ANGPT2: variants seen among roughly 807,000 people sequenced by gnomAD.
ANGPT2 encodes the protein angiopoietin 2, also known as angiopoietin-2.
A neutral mutation model predicts 62.9 loss-of-function variants in ANGPT2; 28 were observed. The ratio of observed to expected loss-of-function variants is 0.44; its 90% CI spans 0.33 to 0.61. The LOEUF is 0.61. ANGPT2 is among the 20% of genes least tolerant of loss of function. The probability of loss-of-function intolerance (pLI) is 0.03; values close to 1 mark genes in which losing one functional copy is unlikely to be tolerated. For missense variants in ANGPT2, 727 were observed against 594.9 expected, an observed-to-expected ratio of 1.22 and a Z score of -2.31; for synonymous variants, 284 against 207.8, an observed-to-expected ratio of 1.37 and a Z score of -3.15.
In ANGPT2 at chr8:6,513,730, C is replaced by T. The variant is rs746146171; in HGVS notation, c.1144G>A (p.Ala382Thr). ...TAGAAATGTTCATACAATGAGTAAG[C>T]CTCATTCCCTTCCCAGTCTTTAAGG... ...IHLKDWEGNE[A>T]YSLYEHFYLS... The change falls in exon 7 of 9, where the codon GCT becomes ACT. Residue 382 changes from alanine to threonine, a missense_variant. By Grantham distance (58) the Ala-to-Thr change is moderately conservative. Transcript: ENST00000629816. 7.4e-6 allele frequency: 12 copies of T among 1,613,672 alleles called. No individual in the cohort carries two copies. The highest frequency in any genetic ancestry group is 4.4e-5 in the South Asian group (4 of 91,020).
chr8:6,530,828 A>G (rs984273770), intron 2 of ANGPT2, among the ~76,000 whole-genome samples: 7 of 152,212 alleles, frequency 4.6e-5, no homozygotes, highest in African/African-American at 1.7e-4. Context: ...TTAGGAAGAC[A>G]ATGAAAGAAC....
At chr8:6,531,338 G>C (rs1819475626) in intron 2 of ANGPT2, among the ~76,000 whole-genome samples, 2 of 150,556 alleles carry the variant, frequency 1.3e-5, no homozygotes, top group Admixed American at 6.6e-5. Context: ...GCCCAGGCTG[G>C]AGTGCAGTGG....
At chr8:6,535,275 C>G (rs906633338) in intron 1 of ANGPT2, among the ~76,000 whole-genome samples, 29 of 152,140 alleles carry the variant, frequency 1.9e-4, no homozygotes, top group African/African-American at 6.5e-4. Context: ...TTGCAACTCT[C>G]CAGAGATATG....
chr8:6,546,206 C>G (rs1362755355), intron 1 of ANGPT2, among the ~76,000 whole-genome samples: 1 of 152,200 alleles, frequency 6.6e-6, no homozygotes, highest in Non-Finnish European at 1.5e-5. Context: ...CCAAGGCACC[C>G]TGGGTCCTTG....
At chr8:6,514,876 G>T in intron 5 of ANGPT2, 98 bp from the exon 6 acceptor site, 2 of 979,100 alleles carry the variant, frequency 2.0e-6, no homozygotes, top group Non-Finnish European at 3.2e-6. Flanking sequence ...GCAGGACTCA[G>T]CCGAGAGGGT....
intron 1 of ANGPT2, among the ~76,000 whole-genome samples, chr8:6,534,628 G>A (rs181374210): frequency 5.9e-5 from 9 of 151,952 alleles, no homozygotes; most frequent in African/African-American, 1.7e-4. Flanking sequence ...AAAAATTAAA[G>A]TATTAAAAAA....
chr8:6,538,318 C>T (rs1275511921), intron 1 of ANGPT2, among the ~76,000 whole-genome samples: 1 of 152,180 alleles, frequency 6.6e-6, no homozygotes, highest in Non-Finnish European at 1.5e-5. Flanking sequence ...TCCCATCTTC[C>T]CGCCCAGGGT....
intron 8 of ANGPT2, among the ~76,000 whole-genome samples, chr8:6,505,943 TTA>T (rs1442864275): frequency 1.9e-5 from 1 of 51,914 alleles, no homozygotes; most frequent in Non-Finnish European, 3.2e-5. Flanking sequence ...TACATATTCT[TTA>T]TATATGTATA....
chr8:6,531,223 C>A (rs1019930943), intron 2 of ANGPT2, among the ~76,000 whole-genome samples: 4 of 151,690 alleles, frequency 2.6e-5, no homozygotes, highest in African/African-American at 9.7e-5. Flanking sequence ...GCATGTCTCT[C>A]GGTGAATTTT....
intron 3 of ANGPT2, among the ~76,000 whole-genome samples, chr8:6,523,240 G>T (rs769795958): frequency 6.6e-6 from 1 of 152,036 alleles, no homozygotes; most frequent in East Asian, 1.9e-4. Context: ...CTCGTGATCC[G>T]CCCGCCCCTG....
intron 1 of ANGPT2, among the ~76,000 whole-genome samples, chr8:6,537,335 C>T (rs953925532): frequency 1.3e-5 from 2 of 151,992 alleles, no homozygotes; most frequent in African/African-American, 4.8e-5. Flanking sequence ...ACACAGTCGG[C>T]AAAGTGTGGG....
At chr8:6,555,317 G>C (rs1824401623) in intron 1 of ANGPT2, among the ~76,000 whole-genome samples, 1 of 152,198 alleles carries the variant, frequency 6.6e-6, no homozygotes, top group Non-Finnish European at 1.5e-5. Flanking sequence ...TCGTCGTCCT[G>C]CCTTTCAAGT....
chr8:6,524,152 T>C (rs982046304), intron 3 of ANGPT2, among the ~76,000 whole-genome samples: 10 of 152,224 alleles, frequency 6.6e-5, no homozygotes, highest in Non-Finnish European at 1.5e-4. Context: ...ACACATGAAT[T>C]TGCACATTGC....
At chr8:6,532,574 T>TTA in intron 1 of ANGPT2, 87 bp from the exon 2 acceptor site, 9 of 589,544 alleles carry the variant, frequency 1.5e-5, no homozygotes, top group Non-Finnish European at 2.2e-5. Context: ...TCCCTATCTT[T>TTA]AAAAAAAAAA....
At chr8:6,542,230 A>C (rs1195741309) in intron 1 of ANGPT2, among the ~76,000 whole-genome samples, 1 of 152,182 alleles carries the variant, frequency 6.6e-6, no homozygotes, top group African/African-American at 2.4e-5. Flanking sequence ...GCCAAATAGA[A>C]TCTTATGTAT....
chr8:6,539,899 A>G (rs1219192004), intron 1 of ANGPT2, among the ~76,000 whole-genome samples: 1 of 152,178 alleles, frequency 6.6e-6, no homozygotes, highest in Non-Finnish European at 1.5e-5. Context: ...TTAATAATTT[A>G]TGAGTGACTA....
In ANGPT2 at chr8:6,529,851, G is replaced by A. The variant is rs892513695; in HGVS notation, c.445-2175C>T. On this transcript the variant is annotated intron_variant, in intron 2 of 8. Coordinates refer to ENST00000629816, the MANE Select transcript of ANGPT2 (RefSeq NM_001118887.2). ...TGTTTTCTTATTTTCCTGTTATCCT[G>A]GATAACATGATATCTAGTTTCACAA... is the stretch of plus-strand genomic sequence containing the variant. Among the ~76,000 whole-genome samples, 3 of 149,380 alleles carry A rather than the reference G, an allele frequency of 2.0e-5. No individual in the cohort carries two copies. In the South Asian group the frequency reaches 6.4e-4, roughly 32 times the overall value.
In ANGPT2 at chr8:6,508,945, T is replaced by G. The variant is rs975259468; in HGVS notation, c.1314A>C (p.Gln438His). 3.7e-6 allele frequency: 6 copies of G among 1,614,150 alleles called. No individual in the cohort carries two copies. The highest frequency in any genetic ancestry group is 5.1e-6 in the Non-Finnish European group (6 of 1,180,028). Reference protein sequence around the residue: ...DNDKCICKCSQMLTGGWWFDA... With the variant: ...DNDKCICKCSHMLTGGWWFDA... ...AGTCATCCCTACCTCCTGTTAGCAT[T>G]TGTGAACATTTGCAAATACATTTGT... The change falls in exon 8 of 9, where the codon CAA becomes CAC. Residue 438 changes from glutamine (Q) to histidine (H), a missense_variant. Coordinates refer to ENST00000629816, the MANE Select transcript of ANGPT2 (RefSeq NM_001118887.2).
intron 1 of ANGPT2, 69 bp downstream of exon 1, chr8:6,562,578 T>TTTTTTTTTTTTTAAA: frequency 2.3e-6 from 2 of 880,184 alleles, no homozygotes; most frequent in Non-Finnish European, 3.1e-6. Context: ...TTTTGGTTGT[T>TTTTTTTTTTTTTAAA]AAAACCTGAG....
Sources: gnomAD v4.1 joint callset for allele counts (sites outside exome capture counted in the v4.1 genomes callset) on GRCh38, gnomAD v4.1.1 for gene constraint, MANE v1.5 for transcripts, NCBI Gene and HGNC (gene_info 2026-07-23, HGNC 2026-07-21) for gene names.